SMYD4: variants seen among roughly 807,000 people sequenced by gnomAD.
SMYD4 encodes SET and MYND domain containing 4, also known as protein-lysine N-methyltransferase SMYD4.
Under a neutral mutation model 72.8 loss-of-function variants are expected in SMYD4, and 68 were observed. The observed-to-expected ratio is 0.93, with a 90% CI of 0.77 to 1.14. SMYD4 has a LOEUF of 1.14. Among genes scored for constraint, SMYD4 ranks in the 50% most tolerant of loss-of-function variants. SMYD4 has a pLI of 0.00. For synonymous variants in SMYD4, 407 were observed against 388.6 expected (o/e 1.05, Z -0.56); for missense variants, 984 against 1,003.7 (o/e 0.98, Z 0.27).
Position 1,781,287 on chromosome 17 carries a change from T to C in SMYD4, c.2414A>G (p.Ter805TrpextTer31). 1 of 1,612,472 alleles carries C rather than the reference T, an allele frequency of 6.2e-7. No individual in the cohort carries two copies. Among genetic ancestry groups the C allele is most frequent in the Non-Finnish European group, 8.5e-7 (1 of 1,179,828 alleles). Residue 805 changes from the stop codon to tryptophan (W), a stop_lost, in exon 11 of 11, where the codon TAG becomes TGG. Coordinates refer to ENST00000305513, the MANE Select transcript of SMYD4 (RefSeq NM_052928.3). Reference protein sequence around the residue: ...LPPTPVGPAL* With the variant: ...LPPTPVGPALW The stretch of plus-strand genomic sequence containing the variant: ...GTGGGTCAAAATCCTCCTGGAACCC[T>C]ACAATGCAGGCCCTACAGGGGTGGG...
At chr17:1,792,774 C>T (rs1909128315) in intron 5 of SMYD4, among the ~76,000 whole-genome samples, 1 of 152,154 alleles carries the variant, frequency 6.6e-6, no homozygotes, top group African/African-American at 2.4e-5. Context: ...ACAGTGCTTG[C>T]TCACGTGTGC....
In SMYD4 at chr17:1,827,694, G is replaced by C. The variant is rs537691809; in HGVS notation, c.134+167C>G. 1.4e-3 allele frequency among the ~76,000 whole-genome samples: 217 copies of C among 152,268 alleles called. 1 individual carries two copies. Among genetic ancestry groups the C allele is most frequent in the African/African-American group, 5.1e-3 (212 of 41,546 alleles). ...CTCACGCCTGTACTCCCAGCACCTT[G>C]GGAGGCCAAGGTGGGAGGATTGCTT... is the stretch of plus-strand genomic sequence containing the variant. On this transcript the variant is annotated intron_variant, in intron 2 of 10. Transcript: ENST00000305513.
chr17:1,810,738 C>T (rs906776537), intron 3 of SMYD4, among the ~76,000 whole-genome samples: 7 of 152,214 alleles, frequency 4.6e-5, no homozygotes, highest in Non-Finnish European at 1.0e-4. Context: ...CTATAAAAAC[C>T]CAAGACCCTA....
intron 3 of SMYD4, among the ~76,000 whole-genome samples, chr17:1,809,905 C>T (rs1567781886): frequency 6.6e-6 from 1 of 152,116 alleles, no homozygotes; most frequent in African/African-American, 2.4e-5. Flanking sequence ...TCCTGATCCA[C>T]CCACCTCGGC....
intron 2 of SMYD4, among the ~76,000 whole-genome samples, chr17:1,817,345 GT>G (rs977465914): frequency 1.4e-5 from 2 of 147,216 alleles, no homozygotes; most frequent in Non-Finnish European, 3.0e-5. Context: ...GCCTAAAACT[GT>G]TTTTTTTTGA....
At chr17:1,827,611 G>A (rs966559060) in intron 2 of SMYD4, among the ~76,000 whole-genome samples, 1 of 152,060 alleles carries the variant, frequency 6.6e-6, no homozygotes, top group Non-Finnish European at 1.5e-5. Context: ...AACGAACCAG[G>A]AAAAGTACTT....
chr17:1,790,555 C>T (rs146884053), intron 5 of SMYD4, among the ~76,000 whole-genome samples: 5,145 of 152,052 alleles, frequency 0.034, 148 homozygotes, highest in African/African-American at 0.075. Context: ...CTCACTCTGT[C>T]GCCTAGGCTG....
chr17:1,822,386 T>G (rs1390880077), intron 2 of SMYD4, among the ~76,000 whole-genome samples: 2 of 152,212 alleles, frequency 1.3e-5, no homozygotes, highest in African/African-American at 4.8e-5. Context: ...TTAAAGTATG[T>G]ATGCATATTA....
rs901931010 is a variant in SMYD4 at position 1,804,496 on chromosome 17, C to G, written c.369+130G>C. The G allele has an allele frequency of 7.4e-6, 6 of 807,036 alleles. No individual in the cohort carries two copies. In the South Asian group the frequency reaches 9.5e-5, roughly 13 times the overall value. 50.0% of individuals were successfully genotyped at this position (807,036 alleles called of 1,614,324 possible). The stretch of plus-strand genomic sequence containing the variant: ...CCGACTTTAGGTAGATATTAATGTG[C>G]TTCCAATTCAACCAATAGCAGCATG... On this transcript the variant is annotated intron_variant, in intron 4 of 10. Transcript: ENST00000305513.
chr17:1,827,737 A>C, intron 2 of SMYD4, 124 bp downstream of exon 2: 2 of 1,293,016 alleles, frequency 1.5e-6, no homozygotes, highest in Non-Finnish European at 2.1e-6. Context: ...GAAATTTGAG[A>C]CCAGCCTGGG....
intron 5 of SMYD4, among the ~76,000 whole-genome samples, chr17:1,794,081 G>GTT (rs1454228796): frequency 5.8e-5 from 1 of 17,120 alleles, no homozygotes; most frequent in Non-Finnish European, 1.1e-4. Context: ...ATATATATGT[G>GTT]TATATATATA....
intron 5 of SMYD4, among the ~76,000 whole-genome samples, chr17:1,795,257 T>G (rs1025546302): frequency 4.4e-4 from 67 of 152,222 alleles, no homozygotes; most frequent in Non-Finnish European, 7.1e-4. Flanking sequence ...TCCTCCTGCC[T>G]CAGCCTTCTG....
intron 7 of SMYD4, among the ~76,000 whole-genome samples, chr17:1,785,754 A>AC (rs1338616090): frequency 1.5e-5 from 2 of 133,802 alleles, no homozygotes; most frequent in African/African-American, 2.7e-5. Flanking sequence ...ACAGGGCAAG[A>AC]CCCCATCTCA....
chr17:1,783,704 G>A, intron 8 of SMYD4: 1 of 642,852 alleles, frequency 1.6e-6, no homozygotes, highest in Non-Finnish European at 2.6e-6. Flanking sequence ...CATTTACACT[G>A]TATTTTCAAC....
chr17:1,814,036 T>G (rs1420963480), intron 2 of SMYD4, among the ~76,000 whole-genome samples: 1 of 152,078 alleles, frequency 6.6e-6, no homozygotes, highest in Non-Finnish European at 1.5e-5. Flanking sequence ...AATGGCCAGG[T>G]GCGGTGGCTC....
In SMYD4 at chr17:1,783,359, C is replaced by T. The variant is rs1185598700; in HGVS notation, c.2137+1G>A. On this transcript the variant is annotated splice_donor_variant, in intron 9 of 10. Coordinates refer to ENST00000305513, the MANE Select transcript of SMYD4 (RefSeq NM_052928.3). LOFTEE classifies it high-confidence loss of function. ...GCAGAACGTGAAGGCTCATGCTGTA[C>T]CTAAGGCAGCACAGGCCCGGGCCAG... is the stretch of plus-strand genomic sequence containing the variant. 10 of 1,612,232 alleles carry T rather than the reference C, an allele frequency of 6.2e-6. No homozygotes were observed. The highest frequency in any genetic ancestry group is 8.5e-6 in the Non-Finnish European group (10 of 1,180,008).
chr17:1,798,273 G>C (rs1216596358), intron 5 of SMYD4, among the ~76,000 whole-genome samples: 2 of 151,828 alleles, frequency 1.3e-5, no homozygotes, highest in Admixed American at 6.6e-5. Context: ...TGGGATTAGA[G>C]GCGTACCTGG....
At chr17:1,804,745 A>G in intron 3 of SMYD4, 30 bp from the exon 4 acceptor site, 1 of 1,600,252 alleles carries the variant, frequency 6.2e-7, no homozygotes, top group Non-Finnish European at 8.6e-7. Context: ...TTAAAAGTAT[A>G]AATGGACACC....
chr17:1,819,074 C>T (rs527323479), intron 2 of SMYD4, among the ~76,000 whole-genome samples: 67 of 151,604 alleles, frequency 4.4e-4, no homozygotes, highest in Non-Finnish European at 7.2e-4. Context: ...ATTAAGAATA[C>T]GGCTGGGTGT....
Sources: allele counts gnomAD v4.1 joint callset (sites outside exome capture counted in the v4.1 genomes callset), GRCh38; gene constraint gnomAD v4.1.1; transcripts MANE v1.5; gene names NCBI Gene and HGNC (gene_info 2026-07-23, HGNC 2026-07-21).